Variants in CACNA1C observed in about 807,000 individuals in gnomAD.
CACNA1C encodes calcium voltage-gated channel subunit alpha1 C, also known as voltage-dependent L-type calcium channel subunit alpha-1C.
In CACNA1C, 30 loss-of-function variants were observed where a neutral mutation model predicts 229.0. The ratio of observed to expected loss-of-function variants is 0.13; its 90% CI spans 0.10 to 0.18. The LOEUF (loss-of-function observed/expected upper bound fraction) is 0.18, where lower values mean the gene tolerates loss of function less well. Among genes scored for constraint, CACNA1C ranks in the 10% least tolerant of loss-of-function variants. The pLI is 1.00. For missense variants in CACNA1C, 1,658 were observed against 2,845.0 expected, an observed-to-expected ratio of 0.58 and a Z score of 9.49; for synonymous variants, 1,114 against 1,132.5, an observed-to-expected ratio of 0.98 and a Z score of 0.33.
At chr12:2,412,653 C>T (rs377411079) in intron 3 of CACNA1C, among the ~76,000 whole-genome samples, 7 of 152,200 alleles carry the variant, frequency 4.6e-5, no homozygotes, top group Admixed American at 1.3e-4. Context: ...TAAATCATCT[C>T]ACTTTTTTTT....
At chr12:2,539,885 G>A (rs551795396) in intron 9 of CACNA1C, among the ~76,000 whole-genome samples, 49 of 151,818 alleles carry the variant, frequency 3.2e-4, no homozygotes, top group African/African-American at 1.1e-3. Flanking sequence ...TAAAGATGCA[G>A]GCAGGGTTTA....
chr12:2,098,003 T>C (rs2074966728), intron 1 of CACNA1C, among the ~76,000 whole-genome samples: 1 of 152,172 alleles, frequency 6.6e-6, no homozygotes, highest in South Asian at 2.1e-4. Context: ...TGGTGGAGCC[T>C]CCTCATTCTA....
intron 3 of CACNA1C, among the ~76,000 whole-genome samples, chr12:2,380,128 G>A (rs535667494): frequency 7.2e-5 from 11 of 152,106 alleles, no homozygotes; most frequent in Non-Finnish European, 1.3e-4. Flanking sequence ...GCTTAAGCAC[G>A]TGTTCAACAC....
intron 3 of CACNA1C, among the ~76,000 whole-genome samples, chr12:2,261,769 C>T (rs2154403084): frequency 6.6e-6 from 1 of 152,366 alleles, no homozygotes; most frequent in South Asian, 2.1e-4. Context: ...ACAACAGGTG[C>T]TTCTGCTGTT....
chr12:2,609,254 G>A (rs916002741), intron 27 of CACNA1C, among the ~76,000 whole-genome samples: 20 of 152,172 alleles, frequency 1.3e-4, no homozygotes, highest in Non-Finnish European at 2.2e-4. Context: ...TGGCAGTGCC[G>A]TGGCTGAGTC....
rs1313757036 is a variant in CACNA1C, at chr12:2,493,973, T to C, written c.1113+587T>C. ...CAGCATTTTTACTATTCCCCAAACATGCTGCTGGTCATGTGATGCCTATTT... is the reference window on the plus strand; with the variant it reads ...CAGCATTTTTACTATTCCCCAAACACGCTGCTGGTCATGTGATGCCTATTT... On this transcript the variant is annotated intron_variant, in intron 7 of 46. Transcript: ENST00000399655. This position sits in a 1 kb window ranked among gnomAD's most constrained non-coding sequence, Gnocchi z 4.6. 2.0e-5 allele frequency among the ~76,000 whole-genome samples: 3 copies of C among 152,220 alleles called. No individual in the cohort carries two copies. Among genetic ancestry groups the C allele is most frequent in the Admixed American group, 1.3e-4 (2 of 15,278 alleles).
intron 43 of CACNA1C, among the ~76,000 whole-genome samples, chr12:2,684,405 T>A (rs950614343): frequency 6.6e-6 from 1 of 152,176 alleles, no homozygotes; most frequent in East Asian, 1.9e-4. Flanking sequence ...ATGAGATAAC[T>A]GTCTCTAAAT....
intron 3 of CACNA1C, among the ~76,000 whole-genome samples, chr12:2,368,266 A>C (rs2097770991): frequency 6.6e-6 from 1 of 152,250 alleles, no homozygotes; most frequent in Non-Finnish European, 1.5e-5. Context: ...AGGAACGTGC[A>C]CTAGAACCAT....
rs1162151343 is a variant in CACNA1C at position 2,378,799 on chromosome 12, T to TTCCTTCCC, written c.478-70170_478-70169insCTCCTTCC. On this transcript the variant is annotated intron_variant, in intron 3 of 46. Transcript: ENST00000399655. ...TTTGGGTCCTTCCTTCCTTCCTTCC[T>TTCCTTCCC]TCCTTCCTTCCTTCCTTCCTCTCTC... 2.2e-5 allele frequency among the ~76,000 whole-genome samples: 3 copies of TTCCTTCCC among 133,676 alleles called. No individual in the cohort carries two copies. The East Asian group carries it at 6.2e-4, about 28-fold the overall frequency. The allele number at this position is 133,676 out of a possible 152,430, so 87.7% of individuals were successfully genotyped here.
chr12:2,416,823 C>T (rs147129182), intron 3 of CACNA1C, among the ~76,000 whole-genome samples: 30 of 152,284 alleles, frequency 2.0e-4, no homozygotes, highest in East Asian at 1.5e-3. Context: ...CCTTTACAAA[C>T]GAGGACTCTA....
chr12:2,241,392 T>C (rs758761555), intron 3 of CACNA1C, among the ~76,000 whole-genome samples: 47 of 152,150 alleles, frequency 3.1e-4, no homozygotes, highest in Non-Finnish European at 5.0e-4. Context: ...TTCCAGATCT[T>C]TTTATCATGC....
intron 1 of CACNA1C, among the ~76,000 whole-genome samples, chr12:2,097,438 G>A (rs757056112): frequency 4.6e-5 from 7 of 152,094 alleles, no homozygotes; most frequent in Non-Finnish European, 8.8e-5. Context: ...GAGCCACCGC[G>A]CCTGGCCACA....
At chr12:2,418,594 A>G (rs1333142639) in intron 3 of CACNA1C, among the ~76,000 whole-genome samples, 1 of 151,838 alleles carries the variant, frequency 6.6e-6, no homozygotes, top group African/African-American at 2.4e-5. Flanking sequence ...CTCTTGTGTT[A>G]TGTTCCAGTT....
At chr12:2,568,222 C>T (rs2052322634) in intron 13 of CACNA1C, among the ~76,000 whole-genome samples, 1 of 152,052 alleles carries the variant, frequency 6.6e-6, no homozygotes, top group Non-Finnish European at 1.5e-5. Context: ...GCAAAAGGGC[C>T]GACCACCCCG....
chr12:2,019,937 G>T (rs778745219), intron 1 of CACNA1C: 1 of 152,168 alleles, frequency 6.6e-6, no homozygotes, highest in Non-Finnish European at 1.5e-5. Context: ...ATTGCACCAT[G>T]AATATGGAGA....
chr12:2,415,244 T>C (rs2098861185), intron 3 of CACNA1C, among the ~76,000 whole-genome samples: 1 of 152,242 alleles, frequency 6.6e-6, no homozygotes, highest in Non-Finnish European at 1.5e-5. Context: ...TTTTTGCTAG[T>C]CTTTTTTATC....
chr12:2,456,467 G>T (rs2099421455), intron 4 of CACNA1C, among the ~76,000 whole-genome samples: 1 of 152,180 alleles, frequency 6.6e-6, no homozygotes. Context: ...GCACCCGGTG[G>T]GGTTCCCTAT....
intron 3 of CACNA1C, among the ~76,000 whole-genome samples, chr12:2,160,479 G>A (rs969977573): frequency 6.6e-6 from 1 of 152,214 alleles, no homozygotes; most frequent in Non-Finnish European, 1.5e-5. Context: ...AGCCTTCCCA[G>A]TTCCCTGTTG....
At chr12:2,671,982 C>T (rs557272946) in intron 38 of CACNA1C, 1 of 152,298 alleles carries the variant, frequency 6.6e-6, no homozygotes, top group Non-Finnish European at 1.5e-5. Flanking sequence ...TTGTTAAAAT[C>T]CTAAGAAAGA....
Sources: gnomAD v4.1 joint callset for allele counts (sites outside exome capture counted in the v4.1 genomes callset) on GRCh38, gnomAD v4.1.1 for gene constraint, Gnocchi (gnomAD v3.1) non-coding constraint, MANE v1.5 for transcripts, NCBI Gene and HGNC (gene_info 2026-07-23, HGNC 2026-07-21) for gene names.